LARP1B: variants seen among roughly 807,000 people sequenced by gnomAD.
The protein encoded by LARP1B is la-related protein 1B.
In LARP1B, 76 loss-of-function variants were observed where a neutral mutation model predicts 114.2. The ratio of observed to expected loss-of-function variants is 0.67; its 90% confidence interval spans 0.55 to 0.81. The LOEUF is 0.81. LARP1B is among the 30% of genes least tolerant of loss of function. The pLI, the probability that LARP1B is intolerant of heterozygous loss-of-function variation, is 0.00. For synonymous variants in LARP1B, 345 were observed against 348.0 expected (o/e 0.99, Z 0.10); for missense variants, 1,014 against 1,075.8 (o/e 0.94, Z 0.80).
intron 3 of LARP1B, among the ~76,000 whole-genome samples, chr4:128,076,210 C>T (rs948707278): frequency 1.3e-4 from 19 of 151,974 alleles, no homozygotes; most frequent in Admixed American, 3.9e-4. Context: ...GACAGGGTTT[C>T]GCCATGTTGG....
intron 1 of LARP1B, chr4:128,061,621 C>T (rs928088347): frequency 1.1e-6 from 1 of 950,030 alleles, no homozygotes; most frequent in East Asian, 1.2e-4. Flanking sequence ...GCCGGTGTCC[C>T]GGCGGAGAGA....
chr4:128,086,370 T>C (rs1329718531), intron 5 of LARP1B, among the ~76,000 whole-genome samples: 1 of 151,726 alleles, frequency 6.6e-6, no homozygotes, highest in East Asian at 1.9e-4. Flanking sequence ...CACTCTGTCT[T>C]CCAGGCTAAG....
At chr4:128,108,707 T>A in intron 9 of LARP1B, 1 of 984,850 alleles carries the variant, frequency 1.0e-6, no homozygotes, top group Non-Finnish European at 1.2e-6. Context: ...TAAGTTAGAT[T>A]TATTTATGAT....
chr4:128,153,723 A>T (rs964151733), intron 11 of LARP1B, among the ~76,000 whole-genome samples: 2 of 152,096 alleles, frequency 1.3e-5, no homozygotes, highest in Non-Finnish European at 2.9e-5. Flanking sequence ...TTATTTATTA[A>T]CTGTATGCTA....
At chr4:128,105,480 ATT>A (rs1268972490) in intron 8 of LARP1B, among the ~76,000 whole-genome samples, 1 of 152,132 alleles carries the variant, frequency 6.6e-6, no homozygotes, top group East Asian at 1.9e-4. Flanking sequence ...AAATACACTG[ATT>A]TTACTCATCT....
intron 17 of LARP1B, 125 bp from the exon 18 acceptor site, chr4:128,206,303 A>T (rs935235509): frequency 2.4e-5 from 14 of 577,216 alleles, no homozygotes; most frequent in South Asian, 3.4e-5. Flanking sequence ...AAAAATAATT[A>T]AAAAATCTGA....
intron 11 of LARP1B, among the ~76,000 whole-genome samples, chr4:128,133,720 G>C (rs538143647): frequency 5.8e-4 from 88 of 152,132 alleles, no homozygotes; most frequent in South Asian, 1.2e-3. Context: ...TTTTGAGACA[G>C]AGTTTCGCTC....
At chr4:128,103,236 T>C (rs1029947724) in intron 8 of LARP1B, among the ~76,000 whole-genome samples, 3 of 152,212 alleles carry the variant, frequency 2.0e-5, no homozygotes, top group Non-Finnish European at 4.4e-5. Flanking sequence ...TTTTATATGA[T>C]CCTTTTATGG....
At chr4:128,111,109 C>T (rs1309384994) in intron 9 of LARP1B, among the ~76,000 whole-genome samples, 2 of 150,886 alleles carry the variant, frequency 1.3e-5, no homozygotes, top group East Asian at 2.0e-4. Context: ...TGCAATGGCA[C>T]GATCTCTGCT....
Position 128,200,626 on chromosome 4 carries a change from T to G in LARP1B, c.2270T>G (p.Phe757Cys), listed in dbSNP as rs1236947731. 3.8e-6 allele frequency: 6 copies of G among 1,587,704 alleles called. No homozygotes were observed. The highest frequency in any genetic ancestry group is 5.1e-6 in the Non-Finnish European group (6 of 1,169,276). Reference sequence around the variant, plus strand: ...TTCAATAAAAAAATGTATGAGGAATTTAGACAACTTGCTTGGGAAGATGCA... The same window carrying G: ...TTCAATAAAAAAATGTATGAGGAATGTAGACAACTTGCTTGGGAAGATGCA... ...DHFNKKMYEE[F>C]RQLAWEDAKE... The change falls in exon 17 of 20, where the codon TTT becomes TGT. Residue 757 changes from phenylalanine to cysteine, a missense_variant. By Grantham distance (205) the Phe-to-Cys change is radical (BLOSUM62 -2). Transcript: ENST00000326639.
chr4:128,194,526 CA>C (rs1303822711), intron 15 of LARP1B, among the ~76,000 whole-genome samples: 3 of 151,462 alleles, frequency 2.0e-5, no homozygotes, highest in African/African-American at 7.3e-5. Flanking sequence ...GCTAAAAATA[CA>C]CAAAAATTAG....
chr4:128,078,968 C>T (rs372454396), intron 4 of LARP1B, among the ~76,000 whole-genome samples: 35 of 152,070 alleles, frequency 2.3e-4, no homozygotes, highest in East Asian at 1.9e-3. Context: ...CATGGGAAAC[C>T]ATTGAACCAA....
intron 15 of LARP1B, among the ~76,000 whole-genome samples, chr4:128,189,559 A>G (rs1195533326): frequency 6.6e-6 from 1 of 151,922 alleles, no homozygotes; most frequent in East Asian, 1.9e-4. Context: ...ACTACGCAGT[A>G]TGTCATTACT....
intron 10 of LARP1B, among the ~76,000 whole-genome samples, chr4:128,117,226 CAG>C (rs1265034134): frequency 3.4e-5 from 5 of 147,224 alleles, no homozygotes; most frequent in African/African-American, 1.0e-4. Flanking sequence ...TTTTTTGAGA[CAG>C]AGTCTTGCTC....
intron 7 of LARP1B, among the ~76,000 whole-genome samples, chr4:128,097,836 G>A (rs928907644): frequency 4.6e-5 from 7 of 152,062 alleles, no homozygotes; most frequent in Non-Finnish European, 7.4e-5. Context: ...GAAACAAGTA[G>A]AAGTGGCTTT....
At chr4:128,188,475 G>T (rs985836791) in intron 15 of LARP1B, among the ~76,000 whole-genome samples, 4 of 152,064 alleles carry the variant, frequency 2.6e-5, no homozygotes, top group African/African-American at 9.7e-5. Flanking sequence ...TCATTTCATT[G>T]ATTTTTTGTA....
chr4:128,150,100 G>A (rs1374981829), intron 11 of LARP1B, among the ~76,000 whole-genome samples: 15 of 151,984 alleles, frequency 9.9e-5, no homozygotes, highest in Admixed American at 9.8e-4. Context: ...GCAGTGAGCC[G>A]AGATCGTGCC....
chr4:128,082,378 A>G lies in LARP1B; in HGVS notation c.358+73A>G, dbSNP rs1053787999. ...TAATGCTCGTTATTTTAGTAACCAC[A>G]TGTATAAACCATTTGAGAATAAGTT... On this transcript the variant is annotated intron_variant, in intron 5 of 19. Transcript: ENST00000326639. 15 of 1,339,382 alleles carry G rather than the reference A, an allele frequency of 1.1e-5. No individual in the cohort carries two copies. In the African/African-American group the frequency reaches 1.3e-4, roughly 12 times the overall value. 83.0% of individuals were successfully genotyped at this position (1,339,382 alleles called of 1,614,324 possible).
intron 15 of LARP1B, among the ~76,000 whole-genome samples, chr4:128,183,083 G>A (rs1415966547): frequency 6.6e-6 from 1 of 152,172 alleles, no homozygotes; most frequent in Admixed American, 6.5e-5. Flanking sequence ...AGGAGCAAGT[G>A]CTGATGGGGA....
Sources: allele counts gnomAD v4.1 joint callset (sites outside exome capture counted in the v4.1 genomes callset), GRCh38; gene constraint gnomAD v4.1.1; transcripts MANE v1.5; gene names NCBI Gene and HGNC (gene_info 2026-07-23, HGNC 2026-07-21).